RXFP2: variants seen among roughly 807,000 people sequenced by gnomAD.
The protein encoded by RXFP2 is relaxin receptor 2.
RXFP2 carries 68 observed loss-of-function variants against 88.6 expected under a neutral mutation model. The ratio of observed to expected loss-of-function variants is 0.77; its 90% CI spans 0.63 to 0.94. The LOEUF (loss-of-function observed/expected upper bound fraction) is 0.94. Among genes scored for constraint, RXFP2 ranks in the 40% least tolerant of loss-of-function variants. The pLI is 0.00. For synonymous variants in RXFP2, 329 were observed against 306.8 expected (o/e 1.07, Z -0.76); for missense variants, 791 against 893.9 (o/e 0.88, Z 1.47).
intron 13 of RXFP2, 96 bp from the exon 14 acceptor site, chr13:31,789,026 A>C: frequency 4.9e-6 from 4 of 808,146 alleles, no homozygotes; most frequent in Non-Finnish European, 8.6e-6. Context: ...TTGGTAACAT[A>C]AGATCTTGAA....
At chr13:31,796,396 T>G (rs1416503906) in intron 16 of RXFP2, among the ~76,000 whole-genome samples, 2 of 152,016 alleles carry the variant, frequency 1.3e-5, no homozygotes, top group African/African-American at 2.4e-5. Flanking sequence ...GTTATTTTAT[T>G]CATTTATTAA....
intron 14 of RXFP2, among the ~76,000 whole-genome samples, chr13:31,790,921 G>A (rs1316463405): frequency 2.0e-5 from 3 of 152,218 alleles, no homozygotes; most frequent in Admixed American, 2.0e-4. Context: ...TCTGGGTGGA[G>A]TAAGCATTGC....
At chr13:31,788,808 T>C (rs1319163883) in intron 13 of RXFP2, among the ~76,000 whole-genome samples, 1 of 152,192 alleles carries the variant, frequency 6.6e-6, no homozygotes. Flanking sequence ...ATGGCATTAC[T>C]TATATTAATA....
chr13:31,758,165 T>G, intron 1 of RXFP2, 93 bp from the exon 2 acceptor site: 1 of 1,259,068 alleles, frequency 7.9e-7, no homozygotes, highest in Non-Finnish European at 1.2e-6. Context: ...CCAGATGAAC[T>G]CAACTCATAT....
chr13:31,756,209 G>A (rs1379683434), intron 1 of RXFP2, among the ~76,000 whole-genome samples: 2 of 152,174 alleles, frequency 1.3e-5, no homozygotes, highest in African/African-American at 4.8e-5. Flanking sequence ...GTCTCCTGAG[G>A]GGCTTCTCTA....
At chr13:31,791,378 C>G (rs1380849837) in intron 14 of RXFP2, among the ~76,000 whole-genome samples, 1 of 152,156 alleles carries the variant, frequency 6.6e-6, no homozygotes, top group African/African-American at 2.4e-5. Flanking sequence ...GTGTTTAAAA[C>G]TCAGGACAAG....
intron 11 of RXFP2, among the ~76,000 whole-genome samples, chr13:31,783,516 T>TAACTC (rs148653707): frequency 0.6 from 90,903 of 151,352 alleles, 27,419 homozygotes; most frequent in East Asian, 0.77. Flanking sequence ...TTGGAGAAAA[T>TAACTC]AATAAGAGTA....
chr13:31,746,938 G>T (rs1370179560), intron 1 of RXFP2, among the ~76,000 whole-genome samples: 6 of 152,102 alleles, frequency 3.9e-5, no homozygotes, highest in Non-Finnish European at 7.4e-5. Context: ...TGATAGTTAT[G>T]TAAACTTTCT....
intron 1 of RXFP2, among the ~76,000 whole-genome samples, chr13:31,753,228 G>A (rs1175648471): frequency 6.6e-6 from 1 of 152,160 alleles, no homozygotes; most frequent in Admixed American, 6.5e-5. Context: ...CTTAAACTGA[G>A]GACCTGAAAG....
At chr13:31,775,225 T>C (rs1223194295) in intron 6 of RXFP2, 93 bp from the exon 7 acceptor site, 2 of 1,007,854 alleles carry the variant, frequency 2.0e-6, no homozygotes, top group Non-Finnish European at 3.2e-6. Flanking sequence ...GATGTCCATA[T>C]CCATAATCAT....
At position 31,792,487 on chromosome 13, in the gene RXFP2, C is replaced by A. The variant is rs530153877; in HGVS notation, c.1376-191C>A. ...TACAAAATAAAAACATAGTGTAGTA[C>A]TTTAGAAATATTACAGATTTTTAAG... is the stretch of plus-strand genomic sequence containing the variant. On this transcript the variant is annotated intron_variant, in intron 15 of 17. Coordinates refer to ENST00000298386, the MANE Select transcript of RXFP2 (RefSeq NM_130806.5). Among the ~76,000 whole-genome samples, 3 of 152,186 alleles carry A rather than the reference C, an allele frequency of 2.0e-5. No individual in the cohort carries two copies. The South Asian group carries it at 6.2e-4, about 32-fold the overall frequency.
chr13:31,749,459 C>A (rs1871569064), intron 1 of RXFP2, among the ~76,000 whole-genome samples: 3 of 152,172 alleles, frequency 2.0e-5, no homozygotes, highest in Non-Finnish European at 4.4e-5. Context: ...ATCAACTTAT[C>A]CATTCCTACA....
chr13:31,745,074 G>A (rs1421050021), intron 1 of RXFP2, among the ~76,000 whole-genome samples: 1 of 152,000 alleles, frequency 6.6e-6, no homozygotes, highest in East Asian at 1.9e-4. Context: ...GGAGGCTAAG[G>A]CAGAAGAATC....
At chr13:31,740,341 A>C (rs1383595234) in intron 1 of RXFP2, among the ~76,000 whole-genome samples, 3 of 152,072 alleles carry the variant, frequency 2.0e-5, no homozygotes, top group African/African-American at 7.2e-5. Flanking sequence ...ATAAAACCTA[A>C]ATCTTCACTT....
intron 17 of RXFP2, 29 bp from the exon 18 acceptor site, chr13:31,802,117 T>G: frequency 6.2e-7 from 1 of 1,613,044 alleles, no homozygotes; most frequent in Non-Finnish European, 8.5e-7. Context: ...AACTTCAACT[T>G]TTTTTTCACA....
intron 9 of RXFP2, among the ~76,000 whole-genome samples, chr13:31,781,071 T>C (rs1873245156): frequency 6.6e-6 from 1 of 152,208 alleles, no homozygotes; most frequent in Non-Finnish European, 1.5e-5. Context: ...GTGTTCAGTA[T>C]GTGCAGGATA....
In RXFP2 at chr13:31,743,360, C is replaced by T. The variant is rs192727314; in HGVS notation, c.94+3654C>T. The stretch of plus-strand genomic sequence containing the variant: ...GTGCACACCTGTGGTCCCAGCTACT[C>T]GGGAGGCTGAGGCAAGAAGATTGCT... On this transcript the variant is annotated intron_variant, in intron 1 of 17. Coordinates refer to ENST00000298386, the MANE Select transcript of RXFP2 (RefSeq NM_130806.5). Among the ~76,000 whole-genome samples the T allele has an allele frequency of 2.4e-4, 36 of 151,880 alleles. No homozygotes were observed. In the East Asian group the frequency reaches 3.9e-3, roughly 16 times the overall value.
At chr13:31,777,471 T>G (rs1385113523) in intron 8 of RXFP2, 24 bp downstream of exon 8, 4 of 1,503,154 alleles carry the variant, frequency 2.7e-6, no homozygotes, top group Non-Finnish European at 3.7e-6. Flanking sequence ...AACCTTTCAA[T>G]ACATCTATCG....
chr13:31,779,189 G>A (rs774248657), intron 9 of RXFP2, among the ~76,000 whole-genome samples: 9 of 149,674 alleles, frequency 6.0e-5, no homozygotes, highest in Admixed American at 1.3e-4. Flanking sequence ...GCAGTGGTGC[G>A]ATCTCGGCTC....
Sources: gnomAD v4.1 joint callset for allele counts (sites outside exome capture counted in the v4.1 genomes callset) on GRCh38, gnomAD v4.1.1 for gene constraint, MANE v1.5 for transcripts, NCBI Gene and HGNC (gene_info 2026-07-23, HGNC 2026-07-21) for gene names.